Variants in ORC5 observed in about 807,000 individuals in gnomAD.
The protein encoded by ORC5 is protein phosphatase 1, regulatory subunit 117.
Under a neutral mutation model 58.8 loss-of-function variants are expected in ORC5, and 39 were observed. The observed-to-expected ratio is 0.66, with a 90% confidence interval of 0.51 to 0.87. The LOEUF is 0.87. ORC5 is among the 40% of genes least tolerant of loss of function. ORC5 has a pLI of 0.00. For synonymous variants in ORC5, 218 were observed against 177.6 expected (o/e 1.23, Z -1.81); for missense variants, 493 against 506.3 (o/e 0.97, Z 0.25).
intron 5 of ORC5, among the ~76,000 whole-genome samples, chr7:104,192,432 G>A (rs1048507383): frequency 6.6e-6 from 1 of 152,074 alleles, no homozygotes; most frequent in African/African-American, 2.4e-5. Context: ...TAAACATACA[G>A]GGCATTCAGT....
In ORC5 at chr7:104,166,805, AT is replaced by A. The variant is rs1189424463; in HGVS notation, c.956del (p.Asn319IlefsTer23). ...AAAACCTCTTGTCAGTTCTTGCTGGATTGTATGAAGCAAGGTATGCAGCAAT... is the reference window on the plus strand; with the variant it reads ...AAAACCTCTTGTCAGTTCTTGCTGGATGTATGAAGCAAGGTATGCAGCAAT... ...ILIAAYLASY[N>X]PARTDKRFFL... On this transcript the variant is annotated frameshift_variant, in exon 10 of 14. Transcript: ENST00000297431. LOFTEE classifies it high-confidence loss of function. The A allele has an allele frequency of 2.4e-5, 38 of 1,609,720 alleles. No individual in the cohort carries two copies. The highest frequency in any genetic ancestry group is 3.2e-5 in the Non-Finnish European group (38 of 1,176,508).
At position 104,204,260 on chromosome 7, in the gene ORC5, G is replaced by C. The variant is rs199748430; in HGVS notation, c.73-26C>G. The C allele has an allele frequency of 9.6e-6, 12 of 1,253,400 alleles. No homozygotes were observed. In the Admixed American group the frequency reaches 1.5e-4, roughly 16 times the overall value. The allele number at this position is 1,253,400 out of a possible 1,614,324, so 77.6% of individuals were successfully genotyped here. The stretch of plus-strand genomic sequence containing the variant: ...CTAACGAGAGAAAAGACAAATATGA[G>C]GCTGCACATACAAAATAGAAAATAA... On this transcript the variant is annotated intron_variant, in intron 1 of 13. Coordinates refer to ENST00000297431, the MANE Select transcript of ORC5 (RefSeq NM_002553.4).
chr7:104,189,293 C>A (rs929988153), intron 5 of ORC5, among the ~76,000 whole-genome samples: 1 of 152,026 alleles, frequency 6.6e-6, no homozygotes, highest in Admixed American at 6.5e-5. Context: ...CTCAACAGGG[C>A]AGTAGGAGAG....
At chr7:104,193,111 C>G (rs893822169) in intron 5 of ORC5, among the ~76,000 whole-genome samples, 1 of 151,982 alleles carries the variant, frequency 6.6e-6, no homozygotes, top group Non-Finnish European at 1.5e-5. Context: ...AAACTATACA[C>G]CCACAGACTT....
At chr7:104,178,061 T>C (rs937599218) in intron 8 of ORC5, among the ~76,000 whole-genome samples, 5 of 152,204 alleles carry the variant, frequency 3.3e-5, no homozygotes, top group Non-Finnish European at 5.9e-5. Flanking sequence ...AGTAGAATGA[T>C]TTACAATCCT....
chr7:104,203,645 G>GCCA (rs1328310611), intron 2 of ORC5, among the ~76,000 whole-genome samples: 1 of 152,298 alleles, frequency 6.6e-6, no homozygotes, highest in East Asian at 1.9e-4. Flanking sequence ...ACATGAGTCT[G>GCCA]CCAGACTCCA....
chr7:104,152,519 T>TA (rs1413498498), intron 12 of ORC5, among the ~76,000 whole-genome samples: 1 of 152,176 alleles, frequency 6.6e-6, no homozygotes, highest in Non-Finnish European at 1.5e-5. Flanking sequence ...TATCTGTTCT[T>TA]ATTAAAACTC....
intron 2 of ORC5, among the ~76,000 whole-genome samples, chr7:104,201,749 A>C (rs1052733339): frequency 6.6e-6 from 1 of 151,980 alleles, no homozygotes; most frequent in Non-Finnish European, 1.5e-5. Context: ...GTCAAAAAAA[A>C]AAAGAATTTT....
intron 1 of ORC5, among the ~76,000 whole-genome samples, chr7:104,207,468 G>T (rs1172622851): frequency 6.6e-6 from 1 of 152,160 alleles, no homozygotes; most frequent in African/African-American, 2.4e-5. Flanking sequence ...AGAAACGTGT[G>T]AACTTACATT....
chr7:104,130,487 G>A (rs1798496495), intron 13 of ORC5, among the ~76,000 whole-genome samples: 1 of 152,226 alleles, frequency 6.6e-6, no homozygotes, highest in South Asian at 2.1e-4. Context: ...TGGGGCTGGT[G>A]TCCTGTGCAA....
chr7:104,132,792 TGAA>T (rs1798532954), intron 13 of ORC5, among the ~76,000 whole-genome samples: 1 of 152,138 alleles, frequency 6.6e-6, no homozygotes, highest in South Asian at 2.1e-4. Context: ...TTACATATAA[TGAA>T]GAACAAAATG....
At position 104,163,221 on chromosome 7, in the gene ORC5, A is replaced by C. The variant is rs192241869; in HGVS notation, c.1038+2014T>G. 3.4e-3 allele frequency among the ~76,000 whole-genome samples: 520 copies of C among 152,332 alleles called. 11 individuals carry two copies. Among genetic ancestry groups the C allele is most frequent in the Admixed American group, 0.033 (498 of 15,298 alleles). On this transcript the variant is annotated intron_variant, in intron 11 of 13. Coordinates refer to ENST00000297431, the MANE Select transcript of ORC5 (RefSeq NM_002553.4). ...ACTGTTTCTTCTCTGACACACAAGA[A>C]GACTACATTTCTCAGTCTCTCCTGC...
chr7:104,178,432 T>A (rs1799366284), intron 8 of ORC5, among the ~76,000 whole-genome samples: 1 of 152,232 alleles, frequency 6.6e-6, no homozygotes, highest in Non-Finnish European at 1.5e-5. Context: ...GTAAGTTTGT[T>A]AAAGTTCCTT....
At chr7:104,191,912 C>A (rs969728925) in intron 5 of ORC5, among the ~76,000 whole-genome samples, 2 of 152,104 alleles carry the variant, frequency 1.3e-5, no homozygotes, top group African/African-American at 2.4e-5. Context: ...GGAGTAGGAA[C>A]ATCCAGAAAT....
Position 104,207,887 on chromosome 7 carries a change from G to C in ORC5, c.18C>G (p.Asn6Lys), listed in dbSNP as rs780836252. 2 of 1,614,188 alleles carry C rather than the reference G, an allele frequency of 1.2e-6. 1 individual carries two copies. Among genetic ancestry groups the C allele is most frequent in the South Asian group, 2.2e-5 (2 of 91,078 alleles). ...CTTGAGACTCGCGACAAAGCACCAC[G>C]TTTTCCAAGTGGGGCATTCTGGCAG... MPHLE[N>K]VVLCRESQVS... Residue 6 changes from asparagine (N) to lysine (K), a missense_variant, in exon 1 of 14, where the codon AAC becomes AAG. Coordinates refer to ENST00000297431, the MANE Select transcript of ORC5 (RefSeq NM_002553.4).
intron 9 of ORC5, 68 bp from the exon 10 acceptor site, chr7:104,166,952 C>A: frequency 1.2e-6 from 1 of 852,296 alleles, no homozygotes; most frequent in Non-Finnish European, 1.9e-6. Flanking sequence ...TCTCTTCTCA[C>A]TTGACTTTTC....
intron 4 of ORC5, among the ~76,000 whole-genome samples, chr7:104,195,700 A>C (rs1212464791): frequency 6.6e-6 from 1 of 152,194 alleles, no homozygotes; most frequent in Admixed American, 6.5e-5. Context: ...CTGATTTTTT[A>C]AGAATCTCTG....
intron 12 of ORC5, among the ~76,000 whole-genome samples, chr7:104,147,493 C>G (rs915652966): frequency 2.0e-5 from 3 of 152,054 alleles, no homozygotes; most frequent in Non-Finnish European, 4.4e-5. Flanking sequence ...AATTTTTCAA[C>G]ATAAAAATAA....
In ORC5 at chr7:104,129,602, T is replaced by C. The variant is rs532597452; in HGVS notation, c.1263-2709A>G. ...AAAACTATGCCACACATCCGAAAGA[T>C]AATTTTGTGCTTTAAAGTACTTGAA... On this transcript the variant is annotated intron_variant, in intron 13 of 13. Coordinates refer to ENST00000297431, the MANE Select transcript of ORC5 (RefSeq NM_002553.4). This position sits in a 1 kb window ranked among gnomAD's most constrained non-coding sequence, Gnocchi z 4.9. Among the ~76,000 whole-genome samples the C allele has an allele frequency of 5.3e-5, 8 of 152,320 alleles. 1 individual carries two copies. Among genetic ancestry groups the C allele is most frequent in the African/African-American group, 1.4e-4 (6 of 41,584 alleles).
Sources: gnomAD v4.1 joint callset for allele counts (sites outside exome capture counted in the v4.1 genomes callset) on GRCh38, gnomAD v4.1.1 for gene constraint, Gnocchi (gnomAD v3.1) non-coding constraint, MANE v1.5 for transcripts, NCBI Gene and HGNC (gene_info 2026-07-23, HGNC 2026-07-21) for gene names.